ZNF469: variants seen among roughly 807,000 people sequenced by gnomAD.
ZNF469 encodes zinc finger protein 469.
A neutral mutation model predicts 1.0 loss-of-function variants in ZNF469; 1 was observed. That is an observed-to-expected ratio of 1.00 (90% confidence interval 0.35 to 4.73). The LOEUF (loss-of-function observed/expected upper bound fraction) is 4.73, where lower values mean the gene tolerates loss of function less well. Among genes scored for constraint, ZNF469 ranks in the 30% most tolerant of loss-of-function variants. The pLI, the probability that ZNF469 is intolerant of heterozygous loss-of-function variation, is 0.16. For synonymous variants in ZNF469, 2,703 were observed against 2,363.4 expected (o/e 1.14, Z -4.17); for missense variants, 6,100 against 5,356.3 (o/e 1.14, Z -4.33).
the ZNF469 span, among the ~76,000 whole-genome samples, chr16:88,334,102 G>C: frequency 6.6e-6 from 1 of 151,996 alleles, no homozygotes; most frequent in Non-Finnish European, 1.5e-5. Context: ...GTGTATGTCT[G>C]TGTCTGTGTG....
chr16:88,336,369 A>G, the ZNF469 span, among the ~76,000 whole-genome samples: 1 of 151,220 alleles, frequency 6.6e-6, no homozygotes, highest in Non-Finnish European at 1.5e-5. Flanking sequence ...TTCACGTGAG[A>G]CACTAACATG....
At chr16:88,388,017 C>T (rs770074533) in intron 1 of ZNF469, among the ~76,000 whole-genome samples, 67 of 152,272 alleles carry the variant, frequency 4.4e-4, no homozygotes, top group Admixed American at 1.3e-3. Flanking sequence ...GGCTCCCAGC[C>T]TCGGTTTGCG....
the ZNF469 span, among the ~76,000 whole-genome samples, chr16:88,320,893 C>A: frequency 1.3e-5 from 2 of 152,214 alleles, no homozygotes; most frequent in African/African-American, 4.8e-5. Flanking sequence ...TGAGCTGCCC[C>A]CTCAGACTCT....
chr16:88,356,467 CCT>C, the ZNF469 span, among the ~76,000 whole-genome samples: 1 of 151,572 alleles, frequency 6.6e-6, no homozygotes, highest in African/African-American at 2.4e-5. Flanking sequence ...TTGACGTGTG[CCT>C]GTGTGTGTGT....
the ZNF469 span, among the ~76,000 whole-genome samples, chr16:88,373,301 C>T: frequency 4.6e-5 from 7 of 152,208 alleles, no homozygotes; most frequent in Non-Finnish European, 1.0e-4. Flanking sequence ...ATATGGCTTG[C>T]AGGAGTCTCA....
chr16:88,277,287 G>A, the ZNF469 span, among the ~76,000 whole-genome samples: 9 of 151,372 alleles, frequency 5.9e-5, no homozygotes, highest in Admixed American at 6.6e-5. Flanking sequence ...GCGCCACGCC[G>A]ACGCTCAGTC....
At chr16:88,105,837 G>A in the ZNF469 span, among the ~76,000 whole-genome samples, 3 of 152,220 alleles carry the variant, frequency 2.0e-5, no homozygotes, top group Non-Finnish European at 4.4e-5. Flanking sequence ...AGATTTGGTT[G>A]GGTGGGAAAA....
chr16:88,122,731 T>C, the ZNF469 span, among the ~76,000 whole-genome samples: 1 of 152,222 alleles, frequency 6.6e-6, no homozygotes, highest in Non-Finnish European at 1.5e-5. Flanking sequence ...GCCACAGTTT[T>C]ATGTGTGTGT....
the ZNF469 span, among the ~76,000 whole-genome samples, chr16:88,286,794 C>G: frequency 6.6e-6 from 1 of 152,216 alleles, no homozygotes; most frequent in Non-Finnish European, 1.5e-5. Flanking sequence ...CCCTGTGGCC[C>G]TGTCCTGGCC....
At chr16:88,301,072 G>GAAAGA in the ZNF469 span, among the ~76,000 whole-genome samples, 1 of 151,858 alleles carries the variant, frequency 6.6e-6, no homozygotes, top group Non-Finnish European at 1.5e-5. Context: ...CAAAAAAAAA[G>GAAAGA]AAAGAAAAGA....
At chr16:88,167,952 C>T in the ZNF469 span, among the ~76,000 whole-genome samples, 1 of 152,238 alleles carries the variant, frequency 6.6e-6, no homozygotes, top group Non-Finnish European at 1.5e-5. Context: ...ACACTGCCCC[C>T]CTCCAAACAT....
At chr16:88,271,913 A>T in the ZNF469 span, among the ~76,000 whole-genome samples, 2 of 151,756 alleles carry the variant, frequency 1.3e-5, no homozygotes, top group Non-Finnish European at 2.9e-5. Context: ...AGATGGATGG[A>T]TGGGTGTATG....
chr16:88,353,515 C>T, the ZNF469 span, among the ~76,000 whole-genome samples: 1 of 152,226 alleles, frequency 6.6e-6, no homozygotes, highest in Admixed American at 6.5e-5. Context: ...CCTTTGCGCA[C>T]AACGCCCTCC....
At chr16:88,346,221 G>A in the ZNF469 span, among the ~76,000 whole-genome samples, 3 of 152,368 alleles carry the variant, frequency 2.0e-5, no homozygotes, top group South Asian at 6.2e-4. Flanking sequence ...AGGATGTGGG[G>A]ACGGCCGGTG....
At chr16:88,301,576 G>A in the ZNF469 span, among the ~76,000 whole-genome samples, 1 of 152,196 alleles carries the variant, frequency 6.6e-6, no homozygotes, top group African/African-American at 2.4e-5. Flanking sequence ...GGCGAGTAGG[G>A]GACACAGGCA....
In ZNF469 at chr16:88,424,686, G is replaced by T. The variant is rs376071438; in HGVS notation, c.-191-121G>T. 5.3e-5 allele frequency among the ~76,000 whole-genome samples: 8 copies of T among 152,222 alleles called. No homozygotes were observed. Among genetic ancestry groups the T allele is most frequent in the African/African-American group, 1.9e-4 (8 of 41,550 alleles). On this transcript the variant is annotated intron_variant, in intron 1 of 2. Coordinates refer to ENST00000565624, the MANE Select transcript of ZNF469 (RefSeq NM_001367624.2). This position sits in a 1 kb window ranked among gnomAD's most constrained non-coding sequence, Gnocchi z 4.3. ...CGGTGGCTCTTGGTGGCTTCCCGGT[G>T]CCCTGAGGCCACAGCCGGCTCTGCC...
At chr16:88,389,334 C>T (rs187892844) in intron 1 of ZNF469, among the ~76,000 whole-genome samples, 228 of 152,360 alleles carry the variant, frequency 1.5e-3, no homozygotes, top group African/African-American at 5.0e-3. Flanking sequence ...CGGGAGTCGG[C>T]GCTTCCTTCG....
the ZNF469 span, among the ~76,000 whole-genome samples, chr16:88,127,223 C>T: frequency 1.1e-3 from 169 of 152,110 alleles, no homozygotes; most frequent in African/African-American, 1.1e-3. Context: ...TTCTTTCCAG[C>T]GTTGTCCGCG....
At chr16:88,372,785 A>G in the ZNF469 span, among the ~76,000 whole-genome samples, 26 of 150,410 alleles carry the variant, frequency 1.7e-4, no homozygotes, top group Non-Finnish European at 3.1e-4. Flanking sequence ...CATCACCACC[A>G]TCATCACCAT....
Sources: gnomAD v4.1 joint callset for allele counts (sites outside exome capture counted in the v4.1 genomes callset) on GRCh38, gnomAD v4.1.1 for gene constraint, Gnocchi (gnomAD v3.1) non-coding constraint, MANE v1.5 for transcripts, NCBI Gene and HGNC (gene_info 2026-07-23, HGNC 2026-07-21) for gene names.